Variants in SUGCT observed in about 807,000 individuals in gnomAD.
SUGCT encodes succinyl-CoA:glutarate CoA-transferase.
A neutral mutation model predicts 55.0 loss-of-function variants in SUGCT; 41 were observed. The observed-to-expected ratio is 0.74, with a 90% CI of 0.58 to 0.97. The LOEUF is 0.97. Ranked by LOEUF, SUGCT falls within the 50% of genes least tolerant of loss-of-function variation. The probability of loss-of-function intolerance (pLI) is 0.00; values close to 1 mark genes in which losing one functional copy is unlikely to be tolerated. For synonymous variants in SUGCT, 187 were observed against 200.4 expected (o/e 0.93, Z 0.56); for missense variants, 568 against 547.8 (o/e 1.04, Z -0.37).
Position 40,173,677 on chromosome 7 carries a change from C to G in SUGCT, c.101-7270C>G, listed in dbSNP as rs1018981424. ...TGGATGTGAGTTGAGTTAAAAGCCCCGTGTTTAAAGGTGGGTGTGGTCACC... is the reference window on the plus strand; with the variant it reads ...TGGATGTGAGTTGAGTTAAAAGCCCGGTGTTTAAAGGTGGGTGTGGTCACC... On this transcript the variant is annotated intron_variant, in intron 1 of 13. Transcript: ENST00000335693. Among the ~76,000 whole-genome samples, 18 of 152,008 alleles carry G rather than the reference C, an allele frequency of 1.2e-4. No homozygotes were observed. In the East Asian group the frequency reaches 2.3e-3, roughly 20 times the overall value.
At chr7:41,019,341 G>A in the SUGCT span, among the ~76,000 whole-genome samples, 1 of 152,204 alleles carries the variant, frequency 6.6e-6, no homozygotes, top group South Asian at 2.1e-4. Context: ...TCATAAATAT[G>A]TTAAGACCTT....
At chr7:40,538,977 G>C (rs1174872562) in intron 12 of SUGCT, 1 of 152,162 alleles carries the variant, frequency 6.6e-6, no homozygotes, top group Non-Finnish European at 1.5e-5. Flanking sequence ...TACTTGGGAG[G>C]CTGAGGCAGG....
At chr7:40,710,845 T>G (rs1785672115) in intron 12 of SUGCT, among the ~76,000 whole-genome samples, 5 of 152,280 alleles carry the variant, frequency 3.3e-5, no homozygotes. Flanking sequence ...GAGTTTTTAT[T>G]TGAAAAGATG....
chr7:41,007,099 GT>G, the SUGCT span, among the ~76,000 whole-genome samples: 8 of 150,336 alleles, frequency 5.3e-5, no homozygotes, highest in African/African-American at 7.3e-5. Context: ...TAGAGATTCA[GT>G]TTTTTTTTTA....
chr7:40,977,641 C>G, the SUGCT span, among the ~76,000 whole-genome samples: 7 of 152,212 alleles, frequency 4.6e-5, no homozygotes, highest in Admixed American at 4.6e-4. Context: ...ATGGAAACCA[C>G]TCCCTCTCAC....
At chr7:40,307,842 A>G (rs1222816174) in intron 8 of SUGCT, among the ~76,000 whole-genome samples, 1 of 152,190 alleles carries the variant, frequency 6.6e-6, no homozygotes, top group Non-Finnish European at 1.5e-5. Context: ...GTGAGGGAGA[A>G]AGTGAAGCAA....
chr7:40,845,204 G>A (rs1793495046), intron 13 of SUGCT, among the ~76,000 whole-genome samples: 1 of 152,138 alleles, frequency 6.6e-6, no homozygotes, highest in South Asian at 2.1e-4. Flanking sequence ...TAGAAAGTGA[G>A]GTACAACACT....
At position 40,852,838 on chromosome 7, in the gene SUGCT, A is replaced by T. The variant is rs553919188; in HGVS notation, c.1154-7478A>T. On this transcript the variant is annotated intron_variant, in intron 13 of 13. Transcript: ENST00000335693. ...CAACTTGGTTTTTAATAATTTTATA[A>T]TTTTTAGCAAATTTTAGCAATTTAT... Among the ~76,000 whole-genome samples the T allele has an allele frequency of 2.0e-5, 3 of 152,104 alleles. No individual in the cohort carries two copies. The East Asian group carries it at 5.8e-4, about 29-fold the overall frequency.
chr7:40,889,726 T>TA, the SUGCT span, among the ~76,000 whole-genome samples: 1 of 152,300 alleles, frequency 6.6e-6, no homozygotes, highest in South Asian at 2.1e-4. Context: ...TCAAGTAGTT[T>TA]ATTACCTACT....
intron 11 of SUGCT, among the ~76,000 whole-genome samples, chr7:40,487,106 CAG>C (rs1791411245): frequency 8.8e-6 from 1 of 113,048 alleles, no homozygotes; most frequent in African/African-American, 3.6e-5. Context: ...TTTTTTGACA[CAG>C]AGTTTCACTG....
At chr7:40,305,003 A>G (rs891044848) in intron 8 of SUGCT, among the ~76,000 whole-genome samples, 14 of 152,110 alleles carry the variant, frequency 9.2e-5, no homozygotes, top group African/African-American at 3.4e-4. Context: ...CATGCACTCA[A>G]TTTTAGCCCC....
intron 12 of SUGCT, among the ~76,000 whole-genome samples, chr7:40,719,918 C>T (rs1161785272): frequency 6.6e-6 from 1 of 152,150 alleles, no homozygotes; most frequent in Non-Finnish European, 1.5e-5. Context: ...GCCTCAGCCT[C>T]CTGAGTAGCT....
At chr7:40,366,497 A>G (rs930140643) in intron 9 of SUGCT, among the ~76,000 whole-genome samples, 4 of 152,282 alleles carry the variant, frequency 2.6e-5, no homozygotes, top group East Asian at 1.9e-4. Context: ...ATGGGAGAAA[A>G]TTTTCTCAAC....
chr7:40,898,480 CGGGGGGG>C, the SUGCT span, among the ~76,000 whole-genome samples: 136 of 5,722 alleles, frequency 0.024, 25 homozygotes, highest in Middle Eastern at 0.33. Context: ...TCCGGGAGGT[CGGGGGGG>C]GGGGGGGGGG....
chr7:40,225,586 C>T (rs1290724452), intron 6 of SUGCT, among the ~76,000 whole-genome samples: 2 of 151,904 alleles, frequency 1.3e-5, no homozygotes, highest in Non-Finnish European at 2.9e-5. Flanking sequence ...CAGGTGCATG[C>T]CACCACGCTC....
rs1024489619 is a variant in SUGCT at position 40,563,656 on chromosome 7, A to G, written c.1089+67270A>G. Reference sequence around the variant, plus strand: ...TTGAGCCTGGGAGATCAAGGCTGCAATGAGCCGTGATTGCACCACTGCACT... The same window carrying G: ...TTGAGCCTGGGAGATCAAGGCTGCAGTGAGCCGTGATTGCACCACTGCACT... On this transcript the variant is annotated intron_variant, in intron 12 of 13. Transcript: ENST00000335693. 2.4e-4 allele frequency among the ~76,000 whole-genome samples: 37 copies of G among 151,896 alleles called. 1 individual carries two copies. The highest frequency in any genetic ancestry group is 8.5e-4 in the Admixed American group (13 of 15,228).
chr7:40,982,347 TG>T, the SUGCT span, among the ~76,000 whole-genome samples: 1 of 152,220 alleles, frequency 6.6e-6, no homozygotes, highest in Non-Finnish European at 1.5e-5. Flanking sequence ...CAATGTGACC[TG>T]GCATTGTATC....
intron 9 of SUGCT, among the ~76,000 whole-genome samples, chr7:40,434,093 G>T (rs1263907157): frequency 2.0e-5 from 3 of 152,066 alleles, no homozygotes; most frequent in African/African-American, 7.2e-5. Flanking sequence ...TTTTTTTCGT[G>T]TTGTTTTGGA....
the SUGCT span, among the ~76,000 whole-genome samples, chr7:40,886,570 T>C: frequency 6.6e-6 from 1 of 152,138 alleles, no homozygotes; most frequent in African/African-American, 2.4e-5. Flanking sequence ...GCAAGATGCA[T>C]GTGTGTGGGT....
Sources: gnomAD v4.1 joint callset for allele counts (sites outside exome capture counted in the v4.1 genomes callset) on GRCh38, gnomAD v4.1.1 for gene constraint, MANE v1.5 for transcripts, NCBI Gene and HGNC (gene_info 2026-07-23, HGNC 2026-07-21) for gene names.